SCGN: variants seen among roughly 807,000 people sequenced by gnomAD.
The protein encoded by SCGN is secretagogin.
Under a neutral mutation model 39.7 loss-of-function variants are expected in SCGN, and 30 were observed. The ratio of observed to expected loss-of-function variants is 0.76; its 90% confidence interval spans 0.57 to 1.03. The LOEUF is 1.03. Among genes scored for constraint, SCGN ranks in the 50% least tolerant of loss-of-function variants. The pLI, the probability that SCGN is intolerant of heterozygous loss-of-function variation, is 0.00. For synonymous variants in SCGN, 106 were observed against 114.1 expected (o/e 0.93, Z 0.45); for missense variants, 353 against 349.4 (o/e 1.01, Z -0.08).
chr6:25,669,442 T>C (rs1759460489), intron 4 of SCGN, 69 bp from the exon 5 acceptor site: 13 of 1,275,374 alleles, frequency 1.0e-5, no homozygotes, highest in Non-Finnish European at 1.5e-5. Flanking sequence ...TGCTGAACTG[T>C]AGTAGATACC....
At chr6:25,680,374 C>T (rs545828473) in intron 6 of SCGN, among the ~76,000 whole-genome samples, 29 of 152,328 alleles carry the variant, frequency 1.9e-4, no homozygotes, top group African/African-American at 6.3e-4. Flanking sequence ...CCATTCATCC[C>T]TGCTGGTATA....
In SCGN at chr6:25,681,984, T is replaced by C. The variant is rs754555334; in HGVS notation, c.505T>C (p.Leu169=). ...TTTTGACAGAAATAAAGATGGTCGGTTGGATCTAAATGACTTAGCAAGGTG... is the reference window on the plus strand; with the variant it reads ...TTTTGACAGAAATAAAGATGGTCGGCTGGATCTAAATGACTTAGCAAGGTG... ...KIFDRNKDGR[L]DLNDLARILA... The change falls in exon 7 of 11, where the codon TTG becomes CTG. Residue 169 remains leucine (L), a synonymous_variant. Transcript: ENST00000377961. 3 of 1,613,552 alleles carry C rather than the reference T, an allele frequency of 1.9e-6. No homozygotes were observed. Among genetic ancestry groups the C allele is most frequent in the African/African-American group, 2.7e-5 (2 of 74,934 alleles).
intron 2 of SCGN, among the ~76,000 whole-genome samples, chr6:25,657,499 C>A (rs1435567349): frequency 2.0e-5 from 3 of 152,052 alleles, no homozygotes; most frequent in Non-Finnish European, 4.4e-5. Context: ...AAGCACCCAA[C>A]ATATATGTTC....
chr6:25,668,385 C>G (rs566023344), intron 4 of SCGN, among the ~76,000 whole-genome samples: 1 of 152,118 alleles, frequency 6.6e-6, no homozygotes, highest in South Asian at 2.1e-4. Context: ...GTTCTGTGTT[C>G]TGGTTCGTAA....
At chr6:25,654,259 A>G (rs1760186919) in intron 2 of SCGN, among the ~76,000 whole-genome samples, 1 of 152,206 alleles carries the variant, frequency 6.6e-6, no homozygotes, top group African/African-American at 2.4e-5. Context: ...TCACATTCTC[A>G]TGTGAGAGCT....
intron 2 of SCGN, among the ~76,000 whole-genome samples, chr6:25,655,101 A>C (rs1208295655): frequency 6.6e-6 from 1 of 152,232 alleles, no homozygotes; most frequent in Admixed American, 6.5e-5. Context: ...GTGTTCCAGA[A>C]ACCCATCTTA....
chr6:25,688,646 AAAAAAATTAGCCGGG>A, intron 7 of SCGN, among the ~76,000 whole-genome samples: 1 of 152,114 alleles, frequency 6.6e-6, no homozygotes, highest in Middle Eastern at 3.4e-3. Flanking sequence ...CTAAAAATAC[AAAAAAATTAGCCGGG>A]ACTGGTGGCG....
At chr6:25,660,808 G>C (rs758980757) in intron 2 of SCGN, among the ~76,000 whole-genome samples, 1 of 152,200 alleles carries the variant, frequency 6.6e-6, no homozygotes, top group Non-Finnish European at 1.5e-5. Flanking sequence ...TGGGACAAGA[G>C]ACAGCATGAT....
chr6:25,685,819 T>G (rs1226481081), intron 7 of SCGN, among the ~76,000 whole-genome samples: 3 of 152,182 alleles, frequency 2.0e-5, no homozygotes, highest in Non-Finnish European at 4.4e-5. Context: ...TTCATAAGGT[T>G]GTCCAACCAT....
At chr6:25,687,507 A>T (rs549862041) in intron 7 of SCGN, among the ~76,000 whole-genome samples, 8 of 152,226 alleles carry the variant, frequency 5.3e-5, no homozygotes, top group Admixed American at 1.3e-4. Flanking sequence ...TAGAAATGTC[A>T]TTGAATTTTT....
Position 25,661,580 on chromosome 6 carries a change from A to T in SCGN, c.182A>T (p.Lys61Met), listed in dbSNP as rs1760338239. 1.2e-6 allele frequency: 2 copies of T among 1,613,606 alleles called. No individual in the cohort carries two copies. Among genetic ancestry groups the T allele is most frequent in the African/African-American group, 2.7e-5 (2 of 74,916 alleles). The change falls in exon 3 of 11, where the codon AAG becomes ATG. Residue 61 changes from lysine (K) to methionine (M), a missense_variant. Physicochemically the swap from Lys to Met is moderately conservative, Grantham distance 95. Transcript: ENST00000377961. ...DDTVMKANLH[K>M]VKQQFMTTQD... ...ACGGTCATGAAAGCAAATTTGCACA[A>T]GGTGAAACAGCAGTTTATGACTACC... is the stretch of plus-strand genomic sequence containing the variant.
At chr6:25,690,428 A>T (rs1759761259) in intron 9 of SCGN, among the ~76,000 whole-genome samples, 2 of 152,250 alleles carry the variant, frequency 1.3e-5, no homozygotes. Context: ...TTTTAAAATG[A>T]TATGTTAAAG....
At chr6:25,682,868 T>G (rs1759655350) in intron 7 of SCGN, among the ~76,000 whole-genome samples, 1 of 152,178 alleles carries the variant, frequency 6.6e-6, no homozygotes. Flanking sequence ...TTTCGTCTCT[T>G]AGTGGACATT....
At chr6:25,665,292 C>A (rs2151378252) in intron 4 of SCGN, among the ~76,000 whole-genome samples, 2 of 152,014 alleles carry the variant, frequency 1.3e-5, no homozygotes, top group Middle Eastern at 6.8e-3. Context: ...AGAGGCCAGG[C>A]AGGTACACTG....
intron 10 of SCGN, among the ~76,000 whole-genome samples, chr6:25,692,487 T>C (rs867669829): frequency 4.6e-5 from 7 of 152,196 alleles, no homozygotes; most frequent in South Asian, 4.1e-4. Context: ...GGCCTTCTTC[T>C]CTTCCATGTC....
intron 4 of SCGN, among the ~76,000 whole-genome samples, chr6:25,667,895 T>C (rs982088681): frequency 1.3e-5 from 2 of 152,214 alleles, no homozygotes; most frequent in African/African-American, 4.8e-5. Context: ...TTAAAAAGCA[T>C]GCAAAAAATT....
chr6:25,654,323 TG>T (rs910281931), intron 2 of SCGN, among the ~76,000 whole-genome samples: 2 of 152,142 alleles, frequency 1.3e-5, no homozygotes. Context: ...GGAGGGTATG[TG>T]GGGGGCAGGG....
At position 25,701,332 on chromosome 6, in the gene SCGN, A is replaced by AT; in HGVS notation, c.829dup (p.Ter277LeufsTer55). The AT allele has an allele frequency of 2.5e-6, 4 of 1,611,644 alleles. No homozygotes were observed. The highest frequency in any genetic ancestry group is 3.4e-6 in the Non-Finnish European group (4 of 1,179,060). The stretch of plus-strand genomic sequence containing the variant: ...TGTGTCTTGGGCTGAAAATCAACCC[A>AT]TAATCCCAGACTGCTTTGCCTTTTG... On this transcript the variant is annotated frameshift_variant, in exon 11 of 11. Coordinates refer to ENST00000377961, the MANE Select transcript of SCGN (RefSeq NM_006998.4). LOFTEE classifies it high-confidence loss of function.
At chr6:25,659,161 G>C (rs914153409) in intron 2 of SCGN, among the ~76,000 whole-genome samples, 1 of 152,188 alleles carries the variant, frequency 6.6e-6, no homozygotes, top group Non-Finnish European at 1.5e-5. Context: ...GCTGACCAAA[G>C]TGTTCCCTGG....
Sources: allele counts gnomAD v4.1 joint callset (sites outside exome capture counted in the v4.1 genomes callset), GRCh38; gene constraint gnomAD v4.1.1; transcripts MANE v1.5; gene names NCBI Gene and HGNC (gene_info 2026-07-23, HGNC 2026-07-21).